LINGO2: variants seen among roughly 807,000 people sequenced by gnomAD.
LINGO2 encodes the protein leucine-rich repeat and immunoglobulin-like domain-containing nogo receptor-interacting protein 2.
A neutral mutation model predicts 30.6 loss-of-function variants in LINGO2; 14 were observed. The ratio of observed to expected loss-of-function variants is 0.46; its 90% CI spans 0.30 to 0.72. The LOEUF (loss-of-function observed/expected upper bound fraction) is 0.72. LINGO2 is among the 30% of genes least tolerant of loss of function. LINGO2 has a pLI of 0.07. For missense variants in LINGO2, 729 were observed against 751.7 expected (o/e 0.97, Z 0.35); for synonymous variants, 317 against 288.5 (o/e 1.10, Z -1.00).
At chr9:28,624,814 G>C (rs1164879136) in intron 1 of LINGO2, among the ~76,000 whole-genome samples, 1 of 151,192 alleles carries the variant, frequency 6.6e-6, no homozygotes, top group Non-Finnish European at 1.5e-5. Context: ...GGCTTGTCTG[G>C]TGCCCTTACT....
the LINGO2 span, among the ~76,000 whole-genome samples, chr9:28,934,176 G>A: frequency 6.6e-6 from 1 of 151,968 alleles, no homozygotes; most frequent in Admixed American, 6.6e-5. Flanking sequence ...TTTATTTCTT[G>A]TTGAATCTAA....
the LINGO2 span, among the ~76,000 whole-genome samples, chr9:28,685,150 A>G: frequency 2.0e-4 from 30 of 152,186 alleles, no homozygotes; most frequent in African/African-American, 7.2e-4. Flanking sequence ...TGCTGCAAAG[A>G]AAATGTTCTC....
chr9:28,958,696 A>G, the LINGO2 span, among the ~76,000 whole-genome samples: 1 of 152,024 alleles, frequency 6.6e-6, no homozygotes, highest in African/African-American at 2.4e-5. Context: ...AAATGATAAG[A>G]AAGGAGAGAA....
intron 4 of LINGO2, among the ~76,000 whole-genome samples, chr9:28,200,209 T>C (rs779775269): frequency 3.0e-4 from 45 of 152,214 alleles, no homozygotes; most frequent in Admixed American, 6.5e-5. Context: ...GGTTTTAAAC[T>C]GCACAACAGT....
the LINGO2 span, among the ~76,000 whole-genome samples, chr9:29,045,851 C>A: frequency 6.6e-6 from 1 of 152,084 alleles, no homozygotes; most frequent in Non-Finnish European, 1.5e-5. Flanking sequence ...CTGTAGAAAT[C>A]TTTCACCTCC....
intron 4 of LINGO2, among the ~76,000 whole-genome samples, chr9:28,238,071 A>G (rs1821642630): frequency 6.6e-6 from 1 of 152,164 alleles, no homozygotes; most frequent in African/African-American, 2.4e-5. Context: ...TCAATTCGGC[A>G]TAAGGATACA....
intron 4 of LINGO2, among the ~76,000 whole-genome samples, chr9:28,114,781 T>A (rs1254059087): frequency 9.6e-6 from 1 of 104,664 alleles, no homozygotes; most frequent in Non-Finnish European, 1.9e-5. Context: ...TTTTTTATTG[T>A]GTCTATTTGA....
the LINGO2 span, among the ~76,000 whole-genome samples, chr9:28,727,844 A>G: frequency 6.6e-6 from 1 of 152,116 alleles, no homozygotes; most frequent in Non-Finnish European, 1.5e-5. Context: ...AGATAGAGAG[A>G]GATTGGTTTG....
the LINGO2 span, among the ~76,000 whole-genome samples, chr9:29,063,778 CT>C: frequency 2.6e-4 from 40 of 152,214 alleles, no homozygotes; most frequent in East Asian, 7.3e-3. Context: ...CAGGCTTTTA[CT>C]TTTCATTGTA....
chr9:29,074,501 C>A, the LINGO2 span, among the ~76,000 whole-genome samples: 29,951 of 151,794 alleles, frequency 0.2, 3,098 homozygotes, highest in African/African-American at 0.24. Context: ...GTAATATAGA[C>A]TGTATCTTCT....
At chr9:28,742,643 C>T in the LINGO2 span, among the ~76,000 whole-genome samples, 17 of 151,756 alleles carry the variant, frequency 1.1e-4, no homozygotes, top group East Asian at 1.2e-3. Flanking sequence ...TTTCACAATT[C>T]GTACTTTTTA....
intron 4 of LINGO2, among the ~76,000 whole-genome samples, chr9:28,145,513 T>A (rs1441791187): frequency 6.6e-6 from 1 of 152,148 alleles, no homozygotes; most frequent in African/African-American, 2.4e-5. Flanking sequence ...ATAGTTAGAG[T>A]CAGGACTGGC....
chr9:29,200,676 A>G, the LINGO2 span, among the ~76,000 whole-genome samples: 3 of 152,132 alleles, frequency 2.0e-5, no homozygotes, highest in South Asian at 6.2e-4. Context: ...TGAACAAACA[A>G]AAGTTACATT....
intron 1 of LINGO2, among the ~76,000 whole-genome samples, chr9:28,542,508 A>G (rs905049817): frequency 6.6e-6 from 1 of 152,086 alleles, no homozygotes; most frequent in Non-Finnish European, 1.5e-5. Context: ...TTCCCATTCA[A>G]TTAAAAAAGA....
At chr9:28,011,228 ACG>A (rs1176085577) in intron 5 of LINGO2, among the ~76,000 whole-genome samples, 1 of 152,200 alleles carries the variant, frequency 6.6e-6, no homozygotes, top group Non-Finnish European at 1.5e-5. Context: ...TTTCTGTGAC[ACG>A]ACACAAAAAA....
At chr9:28,695,098 A>G in the LINGO2 span, among the ~76,000 whole-genome samples, 1 of 151,916 alleles carries the variant, frequency 6.6e-6, no homozygotes, top group South Asian at 2.1e-4. Context: ...ATAGTACAGA[A>G]CAAGAAAACA....
the LINGO2 span, among the ~76,000 whole-genome samples, chr9:28,686,965 A>C: frequency 4.0e-5 from 6 of 151,804 alleles, no homozygotes; most frequent in Non-Finnish European, 7.4e-5. Context: ...TGTAGTAGGT[A>C]TTTAACTTAA....
intron 3 of LINGO2, among the ~76,000 whole-genome samples, chr9:28,331,565 G>A (rs1314265495): frequency 6.6e-6 from 1 of 152,154 alleles, no homozygotes; most frequent in Non-Finnish European, 1.5e-5. Context: ...CAGTGCAATG[G>A]CCTGATCATG....
intron 4 of LINGO2, among the ~76,000 whole-genome samples, chr9:28,087,666 A>G (rs922603754): frequency 6.6e-6 from 1 of 151,936 alleles, no homozygotes; most frequent in Non-Finnish European, 1.5e-5. Flanking sequence ...CTCAACATGC[A>G]TTTCCATTTT....
Sources: allele counts gnomAD v4.1 joint callset (sites outside exome capture counted in the v4.1 genomes callset), GRCh38; gene constraint gnomAD v4.1.1; transcripts MANE v1.5; gene names NCBI Gene and HGNC (gene_info 2026-07-23, HGNC 2026-07-21).